Variants in ABCA13 observed in about 807,000 individuals in gnomAD.
The protein encoded by ABCA13 is ATP-binding cassette sub-family A member 13.
A neutral mutation model predicts 478.7 loss-of-function variants in ABCA13; 476 were observed. That is an observed-to-expected ratio of 0.99 (90% CI 0.92 to 1.07). The LOEUF (loss-of-function observed/expected upper bound fraction) is 1.07, where lower values mean the gene tolerates loss of function less well. Among genes scored for constraint, ABCA13 ranks in the 50% least tolerant of loss-of-function variants. The pLI is 0.00. For missense variants in ABCA13, 6,060 were observed against 5,910.6 expected, an observed-to-expected ratio of 1.03 and a Z score of -0.83; for synonymous variants, 2,252 against 2,158.9, an observed-to-expected ratio of 1.04 and a Z score of -1.20.
intron 15 of ABCA13, among the ~76,000 whole-genome samples, chr7:48,266,937 C>A (rs889901711): frequency 4.0e-5 from 6 of 151,822 alleles, no homozygotes; most frequent in Non-Finnish European, 8.9e-5. Context: ...TTCCTTTTTT[C>A]ATCTATGAGT....
intron 55 of ABCA13, among the ~76,000 whole-genome samples, chr7:48,554,302 A>G (rs1333085616): frequency 1.3e-5 from 2 of 152,024 alleles, no homozygotes; most frequent in African/African-American, 2.4e-5. Flanking sequence ...AGCTTTGTCT[A>G]TTTTGGGTCT....
At chr7:48,437,453 T>C (rs558675008) in intron 42 of ABCA13, among the ~76,000 whole-genome samples, 1 of 152,200 alleles carries the variant, frequency 6.6e-6, no homozygotes, top group African/African-American at 2.4e-5. Flanking sequence ...ATTTGGATCC[T>C]GATTTTTAGT....
chr7:48,328,745 A>C (rs1461396544), intron 27 of ABCA13, among the ~76,000 whole-genome samples: 1 of 152,074 alleles, frequency 6.6e-6, no homozygotes, highest in African/African-American at 2.4e-5. Context: ...AAAAAATAAT[A>C]AAAAAACCCA....
In ABCA13 at chr7:48,350,643, G is replaced by A. The variant is rs750061847; in HGVS notation, c.10205G>A (p.Gly3402Glu). Residue 3402 changes from glycine to glutamate, a missense_variant and splice_region_variant, in exon 30 of 62, where the codon GGA (glycine) becomes GAA (glutamate). Transcript: ENST00000435803. ...GTCCTAATCTGTTCACTTTCCTCAG[G>A]AGGGCTGCTGGATGAGATGTTTAAC... ...DKLTEKLQTY[G>E]GLLDEMFNHA... 5 of 1,611,946 alleles carry A rather than the reference G, an allele frequency of 3.1e-6. No homozygotes were observed. The highest frequency in any genetic ancestry group is 4.2e-6 in the Non-Finnish European group (5 of 1,178,662).
chr7:48,477,700 T>C (rs893659126), intron 45 of ABCA13, among the ~76,000 whole-genome samples: 1 of 123,480 alleles, frequency 8.1e-6, no homozygotes, highest in African/African-American at 3.2e-5. Flanking sequence ...TGAGAACACA[T>C]GGACACAGGA....
intron 16 of ABCA13, among the ~76,000 whole-genome samples, chr7:48,271,146 AAAGTGGACTTGT>A (rs1265281268): frequency 1.3e-5 from 2 of 152,212 alleles, no homozygotes; most frequent in Non-Finnish European, 2.9e-5. Flanking sequence ...AAGAATGTCA[AAAGTGGACTTGT>A]AAGTTCTGAG....
intron 33 of ABCA13, among the ~76,000 whole-genome samples, chr7:48,374,007 T>G (rs1813064150): frequency 6.6e-6 from 1 of 152,228 alleles, no homozygotes; most frequent in Non-Finnish European, 1.5e-5. Flanking sequence ...ATTCACTTAA[T>G]AATAAAAAAT....
At chr7:48,532,836 T>C (rs1489458356) in intron 55 of ABCA13, among the ~76,000 whole-genome samples, 1 of 152,064 alleles carries the variant, frequency 6.6e-6, no homozygotes, top group East Asian at 1.9e-4. Context: ...ATTTCTGTAG[T>C]ATCAGTAATA....
intron 55 of ABCA13, among the ~76,000 whole-genome samples, chr7:48,537,688 C>T (rs768789891): frequency 6.6e-6 from 1 of 152,114 alleles, no homozygotes; most frequent in Non-Finnish European, 1.5e-5. Context: ...GAACAAATGA[C>T]TAAATGTGAC....
intron 45 of ABCA13, among the ~76,000 whole-genome samples, chr7:48,479,707 T>A (rs546975162): frequency 6.6e-6 from 1 of 152,356 alleles, no homozygotes; most frequent in East Asian, 1.9e-4. Context: ...TTGACTTTTT[T>A]AGATTCCACA....
chr7:48,242,196 C>T (rs1790940885), intron 10 of ABCA13, among the ~76,000 whole-genome samples: 1 of 151,946 alleles, frequency 6.6e-6, no homozygotes, highest in Non-Finnish European at 1.5e-5. Context: ...TGCCCCCTGG[C>T]ACTTTAGCCT....
intron 34 of ABCA13, among the ~76,000 whole-genome samples, chr7:48,374,872 C>T (rs914449188): frequency 6.6e-6 from 1 of 152,200 alleles, no homozygotes; most frequent in Non-Finnish European, 1.5e-5. Flanking sequence ...GTATTTACAG[C>T]CACTCTCCAT....
intron 45 of ABCA13, among the ~76,000 whole-genome samples, chr7:48,474,211 C>T (rs898465202): frequency 2.6e-5 from 4 of 152,072 alleles, no homozygotes; most frequent in Admixed American, 1.3e-4. Flanking sequence ...TGTGAATTTG[C>T]ATGGGAGGAT....
chr7:48,180,824 C>T (rs777923625), intron 1 of ABCA13, among the ~76,000 whole-genome samples: 8 of 152,104 alleles, frequency 5.3e-5, no homozygotes, highest in Non-Finnish European at 1.0e-4. Flanking sequence ...ATCGCTTCAG[C>T]CCAGGAGTTC....
At chr7:48,311,425 G>A (rs1446696267) in intron 24 of ABCA13, among the ~76,000 whole-genome samples, 1 of 152,146 alleles carries the variant, frequency 6.6e-6, no homozygotes, top group Non-Finnish European at 1.5e-5. Flanking sequence ...TTATGGTTTA[G>A]CTCTGCATTT....
chr7:48,383,282 A>C (rs1814676576), intron 35 of ABCA13, among the ~76,000 whole-genome samples: 2 of 152,220 alleles, frequency 1.3e-5, no homozygotes, highest in Non-Finnish European at 2.9e-5. Context: ...GTCTGTGTAC[A>C]TGTACATGTG....
chr7:48,343,479 A>T (rs550711971), intron 29 of ABCA13, among the ~76,000 whole-genome samples: 1 of 152,238 alleles, frequency 6.6e-6, no homozygotes, highest in East Asian at 1.9e-4. Context: ...TCAGCCTCTC[A>T]GTTTTTGGCA....
At chr7:48,231,584 A>G (rs923686741) in intron 7 of ABCA13, among the ~76,000 whole-genome samples, 23 of 152,118 alleles carry the variant, frequency 1.5e-4, no homozygotes, top group Non-Finnish European at 2.6e-4. Flanking sequence ...GGAGGCAGGT[A>G]GTTCTGGGGT....
chr7:48,183,887 T>A (rs1391681166), intron 1 of ABCA13, among the ~76,000 whole-genome samples: 2 of 152,228 alleles, frequency 1.3e-5, no homozygotes, highest in African/African-American at 4.8e-5. Flanking sequence ...TGAGCATACC[T>A]CTTGGTTCAT....
Sources: gnomAD v4.1 joint callset for allele counts (sites outside exome capture counted in the v4.1 genomes callset) on GRCh38, gnomAD v4.1.1 for gene constraint, MANE v1.5 for transcripts, NCBI Gene and HGNC (gene_info 2026-07-23, HGNC 2026-07-21) for gene names.